TNRC6C: variants seen among roughly 807,000 people sequenced by gnomAD.
TNRC6C encodes trinucleotide repeat containing adaptor 6C.
Under a neutral mutation model 153.7 loss-of-function variants are expected in TNRC6C, and 20 were observed. That is an observed-to-expected ratio of 0.13 (90% CI 0.09 to 0.19). The LOEUF is 0.19. Among genes scored for constraint, TNRC6C ranks in the 10% least tolerant of loss-of-function variants. TNRC6C has a pLI of 1.00. For missense variants in TNRC6C, 1,987 were observed against 2,172.0 expected, an observed-to-expected ratio of 0.91 and a Z score of 1.69; for synonymous variants, 811 against 841.4, an observed-to-expected ratio of 0.96 and a Z score of 0.63.
At chr17:78,015,778 G>A (rs2071716436) in intron 1 of TNRC6C, among the ~76,000 whole-genome samples, 1 of 152,148 alleles carries the variant, frequency 6.6e-6, no homozygotes, top group Non-Finnish European at 1.5e-5. Flanking sequence ...TGGGCGTGGT[G>A]GTGGGCGCCT....
intron 1 of TNRC6C, among the ~76,000 whole-genome samples, chr17:77,998,250 A>C (rs2071360069): frequency 6.6e-6 from 1 of 152,118 alleles, no homozygotes; most frequent in Non-Finnish European, 1.5e-5. Context: ...AGTGGACCCT[A>C]CGTGACATAG....
intron 16 of TNRC6C, among the ~76,000 whole-genome samples, 185 bp from the exon 20 acceptor site, chr17:78,098,157 CT>C (rs1353588684): frequency 6.6e-6 from 1 of 152,224 alleles, no homozygotes; most frequent in Non-Finnish European, 1.5e-5. Flanking sequence ...GTTTTGAAAA[CT>C]TAGAGGCAAA....
intron 3 of TNRC6C, among the ~76,000 whole-genome samples, chr17:78,062,807 G>A (rs2072794560): frequency 6.6e-6 from 1 of 152,038 alleles, no homozygotes; most frequent in African/African-American, 2.4e-5. Context: ...TTGGGATTAG[G>A]GTTACCAAAA....
intron 1 of TNRC6C, among the ~76,000 whole-genome samples, chr17:77,969,953 TAG>T (rs2070927796): frequency 6.6e-6 from 1 of 152,238 alleles, no homozygotes; most frequent in Non-Finnish European, 1.5e-5. Context: ...TGGGGTAAGC[TAG>T]AAGTAAGCTG....
chr17:77,977,724 A>T (rs1018870949), intron 1 of TNRC6C, among the ~76,000 whole-genome samples: 1 of 152,124 alleles, frequency 6.6e-6, no homozygotes, highest in African/African-American at 2.4e-5. Context: ...CTTAAAAAAC[A>T]GGGACAGCTT....
At chr17:77,980,536 C>G (rs991909163) in intron 1 of TNRC6C, among the ~76,000 whole-genome samples, 4 of 152,300 alleles carry the variant, frequency 2.6e-5, no homozygotes, top group East Asian at 1.9e-4. Context: ...TCTCACACAT[C>G]AAACAAGCAA....
upstream of TNRC6C, among the ~76,000 whole-genome samples, chr17:78,000,624 C>CA (rs1446137124): frequency 5.0e-5 from 3 of 60,404 alleles, no homozygotes; most frequent in Middle Eastern, 4.7e-3. Context: ...CTCCGCCCCC[C>CA]CCCCCCCACA....
At chr17:78,038,621 G>A (rs1235120245) in intron 2 of TNRC6C, among the ~76,000 whole-genome samples, 1 of 150,592 alleles carries the variant, frequency 6.6e-6, no homozygotes, top group Non-Finnish European at 1.5e-5. Flanking sequence ...GGAGCTTGCA[G>A]TGAGCTGAGA....
exon 3 of TNRC6C, chr17:78,050,791 C>T: frequency 6.2e-7 from 1 of 1,609,734 alleles, no homozygotes; most frequent in Non-Finnish European, 8.5e-7. Flanking sequence ...GCCTCCAAAG[C>T]CCAAATCCCA....
At chr17:78,019,466 G>A (rs1240879786) in intron 1 of TNRC6C, among the ~76,000 whole-genome samples, 2 of 152,140 alleles carry the variant, frequency 1.3e-5, no homozygotes, top group Non-Finnish European at 2.9e-5. Flanking sequence ...AACACTACCT[G>A]AAAATTTTAG....
intron 15 of TNRC6C, 178 bp from the exon 18 acceptor site, chr17:78,093,442 G>A: frequency 3.8e-6 from 3 of 788,026 alleles, no homozygotes; most frequent in Non-Finnish European, 5.9e-6. Flanking sequence ...TGTGATACCT[G>A]GTTCTAGTTT....
At chr17:77,984,356 T>TAA (rs11290860) in intron 1 of TNRC6C, among the ~76,000 whole-genome samples, 18 of 135,686 alleles carry the variant, frequency 1.3e-4, no homozygotes, top group African/African-American at 4.3e-4. Context: ...CATCAATACT[T>TAA]AAAAAAAAAA....
chr17:77,962,850 A>T (rs565202835), intron 1 of TNRC6C, among the ~76,000 whole-genome samples: 1 of 152,340 alleles, frequency 6.6e-6, no homozygotes, highest in African/African-American at 2.4e-5. Flanking sequence ...TTGCATGACA[A>T]CTGGTCCCAG....
chr17:78,007,440 AT>A (rs992054324), intron 1 of TNRC6C, among the ~76,000 whole-genome samples: 1 of 152,194 alleles, frequency 6.6e-6, no homozygotes, highest in African/African-American at 2.4e-5. Flanking sequence ...CCTGAGAAAT[AT>A]TGGTTCCAAC....
chr17:78,070,232 C>A (rs1383424445), intron 5 of TNRC6C, among the ~76,000 whole-genome samples: 1 of 152,130 alleles, frequency 6.6e-6, no homozygotes, highest in Admixed American at 6.5e-5. Context: ...AAATTAAAAT[C>A]TTGACTAATC....
chr17:78,050,369 G>A (rs1471717970), exon 3 of TNRC6C: 4 of 1,613,106 alleles, frequency 2.5e-6, no homozygotes, highest in African/African-American at 1.3e-5. Context: ...CAGTTGCCAA[G>A]GAATGATCTT....
intron 1 of TNRC6C, among the ~76,000 whole-genome samples, chr17:77,966,594 A>G (rs1401187984): frequency 1.3e-5 from 2 of 152,228 alleles, no homozygotes; most frequent in South Asian, 2.1e-4. Flanking sequence ...CACATAGTAC[A>G]TTCTTTTTAG....
At chr17:77,958,786 C>T (rs2070834250), upstream of TNRC6C, among the ~76,000 whole-genome samples, 1 of 149,576 alleles carries the variant, frequency 6.7e-6, no homozygotes, top group African/African-American at 2.4e-5. Flanking sequence ...CCGCCGGCCC[C>T]GCCGCCGCGC....
intron 8 of TNRC6C, among the ~76,000 whole-genome samples, chr17:78,076,171 G>A (rs941681020): frequency 1.8e-4 from 28 of 151,354 alleles, no homozygotes; most frequent in Admixed American, 1.5e-3. Flanking sequence ...AGCTGAGATC[G>A]TGCCATTGCA....
Sources: gnomAD v4.1 joint callset for allele counts (sites outside exome capture counted in the v4.1 genomes callset) on GRCh38, gnomAD v4.1.1 for gene constraint, MANE v1.5 for transcripts, NCBI Gene and HGNC (gene_info 2026-07-23, HGNC 2026-07-21) for gene names.